FAM177A1: variants seen among roughly 807,000 people sequenced by gnomAD.
FAM177A1 encodes the protein protein FAM177A1.
FAM177A1 carries 22 observed loss-of-function variants against 26.1 expected under a neutral mutation model. The ratio of observed to expected loss-of-function variants is 0.84; its 90% confidence interval spans 0.60 to 1.20. The LOEUF (loss-of-function observed/expected upper bound fraction) is 1.20. FAM177A1 is among the 50% of genes most tolerant of loss of function. The probability of loss-of-function intolerance (pLI) is 0.00; values close to 1 mark genes in which losing one functional copy is unlikely to be tolerated. For synonymous variants in FAM177A1, 95 were observed against 99.3 expected, an observed-to-expected ratio of 0.96 and a Z score of 0.26; for missense variants, 296 against 291.1, an observed-to-expected ratio of 1.02 and a Z score of -0.12.
At chr14:35,056,697 C>G (rs965595798) in intron 2 of FAM177A1, among the ~76,000 whole-genome samples, 3 of 152,064 alleles carry the variant, frequency 2.0e-5, no homozygotes, top group African/African-American at 7.2e-5. Flanking sequence ...AGCTGTGAAG[C>G]CTCCTTGGCT....
chr14:35,063,484 A>G (rs1203279044), intron 2 of FAM177A1, among the ~76,000 whole-genome samples: 4 of 151,650 alleles, frequency 2.6e-5, no homozygotes, highest in Non-Finnish European at 5.9e-5. Context: ...AGGCTGAGGC[A>G]GGAGAATCGC....
At chr14:35,047,373 A>G (rs929532882) in intron 1 of FAM177A1, among the ~76,000 whole-genome samples, 3 of 152,192 alleles carry the variant, frequency 2.0e-5, no homozygotes, top group South Asian at 2.1e-4. Flanking sequence ...CACGCATAGC[A>G]TATCGCAGTT....
intron 2 of FAM177A1, among the ~76,000 whole-genome samples, chr14:35,062,618 A>G (rs151289456): frequency 9.9e-5 from 15 of 152,126 alleles, no homozygotes; most frequent in African/African-American, 3.1e-4. Flanking sequence ...AAATGAGATA[A>G]TATCTATGAA....
chr14:35,061,743 C>A (rs183499913), intron 2 of FAM177A1, among the ~76,000 whole-genome samples: 1 of 149,938 alleles, frequency 6.7e-6, no homozygotes, highest in Admixed American at 6.7e-5. Context: ...TGCACATGTA[C>A]CCTAAAACTT....
rs182200751 is a variant in FAM177A1 at position 35,061,108 on chromosome 14, G to T, written c.339+7657G>T. Among the ~76,000 whole-genome samples, 832 of 152,194 alleles carry T rather than the reference G, an allele frequency of 5.5e-3. 8 individuals carry two copies. The highest frequency in any genetic ancestry group is 0.019 in the African/African-American group (805 of 41,536). On this transcript the variant is annotated intron_variant, in intron 2 of 4. Coordinates refer to ENST00000280987, the MANE Select transcript of FAM177A1 (RefSeq NM_173607.5). ...AACAGTATAGGGTTCAGTATTATCC[G>T]CAGTTTCAGTCACCCATGGGAGGTC...
In FAM177A1 at chr14:35,081,388, A is replaced by T; in HGVS notation, c.*160A>T. ...TTTTCTTCATTTTTAGGATCTATCTAGCAAAAGCCAGATCTGAAATTCAGA... is the reference window on the plus strand; with the variant it reads ...TTTTCTTCATTTTTAGGATCTATCTTGCAAAAGCCAGATCTGAAATTCAGA... On this transcript the variant is annotated 3_prime_UTR_variant, in exon 5 of 5. Coordinates refer to ENST00000280987, the MANE Select transcript of FAM177A1 (RefSeq NM_173607.5). The T allele has an allele frequency of 1.5e-6, 1 of 680,022 alleles. No individual in the cohort carries two copies. The highest frequency in any genetic ancestry group is 2.3e-6 in the Non-Finnish European group (1 of 442,276). 42.1% of individuals were successfully genotyped at this position (680,022 alleles called of 1,614,324 possible).
chr14:35,055,033 G>T (rs976755463), intron 2 of FAM177A1: 1 of 151,860 alleles, frequency 6.6e-6, no homozygotes, highest in Non-Finnish European at 1.5e-5. Flanking sequence ...CAGGAGCAAT[G>T]GTTCACGCCT....
Position 35,046,369 on chromosome 14 carries a change from G to A in FAM177A1, c.-95G>A. 8.1e-6 allele frequency: 11 copies of A among 1,353,914 alleles called. No individual in the cohort carries two copies. The highest frequency in any genetic ancestry group is 8.7e-6 in the Non-Finnish European group (9 of 1,036,218). The allele number at this position is 1,353,914 out of a possible 1,614,324, so 83.9% of individuals were successfully genotyped here. ...CAGGCCGGCGAGTCCCCTTCTCAGAGACTTGGCTAGGCGCGGCGCGAGGCG... is the reference window on the plus strand; with the variant it reads ...CAGGCCGGCGAGTCCCCTTCTCAGAAACTTGGCTAGGCGCGGCGCGAGGCG... On this transcript the variant is annotated 5_prime_UTR_variant, in exon 1 of 5. Transcript: ENST00000280987.
At position 35,081,898 on chromosome 14, in the gene FAM177A1, T is replaced by C. The variant is rs1156582223; in HGVS notation, c.*670T>C. The C allele has an allele frequency of 1.3e-5, 2 of 152,222 alleles. No homozygotes were observed. Among genetic ancestry groups the C allele is most frequent in the Non-Finnish European group, 2.9e-5 (2 of 68,060 alleles). The allele number at this position is 152,222 out of a possible 1,614,324, so 9.4% of individuals were successfully genotyped here. ...GAACATAATATTAAAACACTACTTATAGAATAGATTTATTAATGTTAATAC... is the reference window on the plus strand; with the variant it reads ...GAACATAATATTAAAACACTACTTACAGAATAGATTTATTAATGTTAATAC... On this transcript the variant is annotated 3_prime_UTR_variant, in exon 5 of 5. Transcript: ENST00000280987.
Position 35,078,967 on chromosome 14 carries a change from T to C in FAM177A1, c.447T>C (p.Gly149=). Residue 149 remains glycine (G), a synonymous_variant, in exon 4 of 5, where the codon GGT becomes GGC. Coordinates refer to ENST00000280987, the MANE Select transcript of FAM177A1 (RefSeq NM_173607.5). ...FLGEKIASVL[G]ISTPKYQYAI... The stretch of plus-strand genomic sequence containing the variant: ...GAGAGAAGATTGCATCTGTTTTGGG[T>C]ATCAGCACCCCAAAGTACCAATATG... 10 of 1,554,990 alleles carry C rather than the reference T, an allele frequency of 6.4e-6. No individual in the cohort carries two copies. Among genetic ancestry groups the C allele is most frequent in the Non-Finnish European group, 8.6e-6 (10 of 1,161,810 alleles).
At chr14:35,070,114 CAAAAAAAAAAAAAAA>C (rs746133319) in intron 2 of FAM177A1, among the ~76,000 whole-genome samples, 39 of 53,850 alleles carry the variant, frequency 7.2e-4, no homozygotes, top group African/African-American at 1.8e-3. Context: ...GACTCTGTCT[CAAAAAAAAAAAAAAA>C]AAAAAAAAAA....
At chr14:35,064,664 T>C (rs2138548405) in intron 2 of FAM177A1, among the ~76,000 whole-genome samples, 1 of 152,296 alleles carries the variant, frequency 6.6e-6, no homozygotes, top group African/African-American at 2.4e-5. Flanking sequence ...TCTGATTTTT[T>C]TTTTGAGATG....
Position 35,057,331 on chromosome 14 carries a change from G to C in FAM177A1, c.339+3880G>C, listed in dbSNP as rs1470689779. ...CTGCTTCAGCCTCACAAGTAGTAGG[G>C]TTTACAGATGTGCACCACCATGCCC... On this transcript the variant is annotated intron_variant, in intron 2 of 4. Coordinates refer to ENST00000280987, the MANE Select transcript of FAM177A1 (RefSeq NM_173607.5). Among the ~76,000 whole-genome samples the C allele has an allele frequency of 3.9e-5, 6 of 152,080 alleles. No individual in the cohort carries two copies. In the East Asian group the frequency reaches 7.7e-4, roughly 20 times the overall value.
At chr14:35,070,591 GTGC>G (rs2045306825) in intron 2 of FAM177A1, among the ~76,000 whole-genome samples, 1 of 152,166 alleles carries the variant, frequency 6.6e-6, no homozygotes, top group Non-Finnish European at 1.5e-5. Flanking sequence ...GCCTCCCAAA[GTGC>G]TGGGATTACA....
chr14:35,046,461 A>G lies in FAM177A1; in HGVS notation c.-3A>G. The G allele has an allele frequency of 6.4e-7, 1 of 1,561,694 alleles. No homozygotes were observed. The highest frequency in any genetic ancestry group is 8.7e-7 in the Non-Finnish European group (1 of 1,151,500). On this transcript the variant is annotated 5_prime_UTR_variant, in exon 1 of 5. Transcript: ENST00000280987. The stretch of plus-strand genomic sequence containing the variant: ...GGCCAGCGACTGGGCGGGGAGACCA[A>G]GGATGGAAGTGGGCTTACCGGCCAT...
intron 2 of FAM177A1, among the ~76,000 whole-genome samples, chr14:35,070,908 G>T (rs960541086): frequency 4.6e-5 from 7 of 151,898 alleles, no homozygotes; most frequent in Non-Finnish European, 7.4e-5. Flanking sequence ...GACTGGAAAG[G>T]TACCCTGATA....
At chr14:35,059,690 C>A (rs538604078) in intron 2 of FAM177A1, among the ~76,000 whole-genome samples, 1 of 151,788 alleles carries the variant, frequency 6.6e-6, no homozygotes, top group Non-Finnish European at 1.5e-5. Flanking sequence ...CACGCCACCA[C>A]GTCCTGCTAA....
At chr14:35,076,441 G>T (rs895241610) in intron 2 of FAM177A1, among the ~76,000 whole-genome samples, 1 of 151,910 alleles carries the variant, frequency 6.6e-6, no homozygotes, top group Non-Finnish European at 1.5e-5. Context: ...GGGGCCTGTT[G>T]TGGGGTGGGG....
intron 3 of FAM177A1, among the ~76,000 whole-genome samples, chr14:35,078,010 G>C (rs975928799): frequency 6.6e-6 from 1 of 152,060 alleles, no homozygotes; most frequent in Non-Finnish European, 1.5e-5. Context: ...TTAAAATATA[G>C]GTTTTAAATT....
Sources: gnomAD v4.1 joint callset for allele counts (sites outside exome capture counted in the v4.1 genomes callset) on GRCh38, gnomAD v4.1.1 for gene constraint, MANE v1.5 for transcripts, NCBI Gene and HGNC (gene_info 2026-07-23, HGNC 2026-07-21) for gene names.